Variants in ZNF385D observed in about 807,000 individuals in gnomAD.
ZNF385D encodes the protein zinc finger protein 385D.
ZNF385D carries 15 observed loss-of-function variants against 35.8 expected under a neutral mutation model. That is an observed-to-expected ratio of 0.42 (90% confidence interval 0.28 to 0.64). ZNF385D has a LOEUF of 0.64. Ranked by LOEUF, ZNF385D falls within the 30% of genes least tolerant of loss-of-function variation. The pLI is 0.23. For missense variants in ZNF385D, 474 were observed against 494.6 expected (o/e 0.96, Z 0.39); for synonymous variants, 212 against 186.8 (o/e 1.13, Z -1.10).
intron 3 of ZNF385D, among the ~76,000 whole-genome samples, chr3:21,824,944 A>C (rs1273637052): frequency 6.6e-6 from 1 of 152,180 alleles, no homozygotes; most frequent in Non-Finnish European, 1.5e-5. Context: ...AAACAAAATT[A>C]CTTTTGTTAA....
At chr3:21,953,560 T>A (rs1702158160) in intron 3 of ZNF385D, among the ~76,000 whole-genome samples, 1 of 152,062 alleles carries the variant, frequency 6.6e-6, no homozygotes, top group African/African-American at 2.4e-5. Context: ...GCTTTGGTTC[T>A]TAGTGGCTAC....
intron 3 of ZNF385D, among the ~76,000 whole-genome samples, chr3:21,810,230 T>C (rs1472604012): frequency 1.3e-5 from 2 of 152,196 alleles, no homozygotes; most frequent in African/African-American, 4.8e-5. Flanking sequence ...TCAAGGCCAA[T>C]GTAATATTTA....
intron 3 of ZNF385D, among the ~76,000 whole-genome samples, chr3:21,787,672 T>C (rs2071748334): frequency 6.6e-6 from 1 of 152,180 alleles, no homozygotes; most frequent in East Asian, 1.9e-4. Context: ...CATCAATTCA[T>C]TAACATGCCA....
At chr3:21,921,460 C>T (rs13074106) in intron 3 of ZNF385D, among the ~76,000 whole-genome samples, 17,464 of 152,018 alleles carry the variant, frequency 0.11, 1,345 homozygotes, top group South Asian at 0.25. Flanking sequence ...TACTTAAAGA[C>T]AAAAGACAGA....
At position 21,801,955 on chromosome 3, in the gene ZNF385D, C is replaced by G. The variant is rs187884888; in HGVS notation, c.326-136927G>C. Reference sequence around the variant, plus strand: ...TCTAATGAAGCCATGGGTGTTTTTTCCTGCTGTATTAAAACATAAACAATT... The same window carrying G: ...TCTAATGAAGCCATGGGTGTTTTTTGCTGCTGTATTAAAACATAAACAATT... On this transcript the variant is annotated intron_variant, in intron 3 of 5. Transcript: ENST00000494108. Among the ~76,000 whole-genome samples the G allele has an allele frequency of 3.4e-4, 51 of 152,066 alleles. No homozygotes were observed. In the East Asian group the frequency reaches 7.2e-3, roughly 21 times the overall value.
At chr3:21,624,416 A>G (rs1447252678) in intron 2 of ZNF385D, among the ~76,000 whole-genome samples, 1 of 152,114 alleles carries the variant, frequency 6.6e-6, no homozygotes, top group African/African-American at 2.4e-5. Context: ...TGCAATAAAC[A>G]TATCAATGCT....
chr3:21,652,867 A>C (rs1305136751), intron 2 of ZNF385D, among the ~76,000 whole-genome samples: 1 of 152,220 alleles, frequency 6.6e-6, no homozygotes, highest in Non-Finnish European at 1.5e-5. Flanking sequence ...CTAAATAACA[A>C]TGTTGATCAC....
At chr3:21,681,687 T>C (rs1235600200) in intron 1 of ZNF385D, among the ~76,000 whole-genome samples, 1 of 41,812 alleles carries the variant, frequency 2.4e-5, no homozygotes, top group Non-Finnish European at 5.4e-5. Flanking sequence ...CTAAGAATGA[T>C]AAAAAAAAAC....
intron 3 of ZNF385D, among the ~76,000 whole-genome samples, chr3:22,167,508 T>G (rs1403514795): frequency 6.6e-6 from 1 of 152,304 alleles, no homozygotes; most frequent in East Asian, 1.9e-4. Flanking sequence ...TCCTCATTCT[T>G]CTTAGACATG....
At chr3:21,649,244 G>A (rs1044461834) in intron 2 of ZNF385D, among the ~76,000 whole-genome samples, 2 of 152,100 alleles carry the variant, frequency 1.3e-5, no homozygotes, top group Non-Finnish European at 2.9e-5. Flanking sequence ...AAAAGTATGT[G>A]CACATATGCT....
rs188279987 is a variant in ZNF385D, at chr3:21,918,111, G to A, written c.325+250706C>T. On this transcript the variant is annotated intron_variant, in intron 3 of 5. Transcript: ENST00000494108. The stretch of plus-strand genomic sequence containing the variant: ...GCTTCTCAATGTGTTTTAATAAGCT[G>A]AGAATACACTAGGCACTAAATCAAT... Among the ~76,000 whole-genome samples, 382 of 152,306 alleles carry A rather than the reference G, an allele frequency of 2.5e-3. 2 individuals are homozygous for A. The highest frequency in any genetic ancestry group is 8.7e-3 in the African/African-American group (362 of 41,574).
rs372953349 is a variant in ZNF385D, at chr3:21,415,749, T to C, written c.*5465A>G. Reference sequence around the variant, plus strand: ...CAGTCTGAAAATAACATGACCCCATTATCGGCTGTCTTAGTTAACCAAACT... The same window carrying C: ...CAGTCTGAAAATAACATGACCCCATCATCGGCTGTCTTAGTTAACCAAACT... On this transcript the variant is annotated 3_prime_UTR_variant, in exon 8 of 8. Transcript: ENST00000281523. 6 of 152,248 alleles carry C rather than the reference T, an allele frequency of 3.9e-5. No individual in the cohort carries two copies. Among genetic ancestry groups the C allele is most frequent in the East Asian group, 3.9e-4 (2 of 5,178 alleles). 9.4% of individuals were successfully genotyped at this position (152,248 alleles called of 1,614,324 possible).
At chr3:21,860,908 T>G (rs1697014980) in intron 3 of ZNF385D, among the ~76,000 whole-genome samples, 1 of 152,108 alleles carries the variant, frequency 6.6e-6, no homozygotes, top group South Asian at 2.1e-4. Flanking sequence ...AGATTCGATG[T>G]CTGATTCTCA....
intron 3 of ZNF385D, among the ~76,000 whole-genome samples, chr3:21,960,015 C>A (rs1415933330): frequency 5.9e-5 from 6 of 102,006 alleles, no homozygotes; most frequent in Non-Finnish European, 8.3e-5. Context: ...TTCAAAAGCA[C>A]AGCCTCCAAA....
intron 4 of ZNF385D, among the ~76,000 whole-genome samples, chr3:21,495,557 G>T (rs1452170484): frequency 6.6e-6 from 1 of 152,112 alleles, no homozygotes; most frequent in African/African-American, 2.4e-5. Context: ...GGCAGTTTAA[G>T]AGGGAAATTT....
chr3:21,861,332 A>AT (rs1053831055), intron 3 of ZNF385D, among the ~76,000 whole-genome samples: 2 of 152,104 alleles, frequency 1.3e-5, no homozygotes, highest in Non-Finnish European at 2.9e-5. Context: ...AGTTAGTGGA[A>AT]TTTTTTATTT....
chr3:21,998,373 G>A (rs573569233), intron 3 of ZNF385D, among the ~76,000 whole-genome samples: 4 of 152,220 alleles, frequency 2.6e-5, no homozygotes, highest in Admixed American at 2.6e-4. Context: ...CCAAAGCCAA[G>A]AACCCTCCCA....
intron 2 of ZNF385D, among the ~76,000 whole-genome samples, chr3:22,288,076 C>T (rs559373474): frequency 1.6e-4 from 25 of 151,956 alleles, no homozygotes; most frequent in African/African-American, 5.5e-4. Flanking sequence ...TCTGAAATAT[C>T]AAACCACTTC....
At chr3:21,801,886 G>T (rs927727122) in intron 3 of ZNF385D, among the ~76,000 whole-genome samples, 2 of 152,122 alleles carry the variant, frequency 1.3e-5, no homozygotes, top group Non-Finnish European at 2.9e-5. Flanking sequence ...GTATATTCCA[G>T]AAATTACTGA....
Sources: gnomAD v4.1 joint callset for allele counts (sites outside exome capture counted in the v4.1 genomes callset) on GRCh38, gnomAD v4.1.1 for gene constraint, MANE v1.5 for transcripts, NCBI Gene and HGNC (gene_info 2026-07-23, HGNC 2026-07-21) for gene names.